The following SCHIP1 variants were observed in gnomAD, a reference collection of about 807,000 sequenced individuals.
SCHIP1 encodes the protein schwannomin-interacting protein 1.
Under a neutral mutation model 29.7 loss-of-function variants are expected in SCHIP1, and 8 were observed. The observed-to-expected ratio is 0.27, with a 90% CI of 0.16 to 0.49. The LOEUF is 0.49. Among genes scored for constraint, SCHIP1 ranks in the 20% least tolerant of loss-of-function variants. SCHIP1 has a pLI of 0.99. For synonymous variants in SCHIP1, 76 were observed against 94.9 expected, an observed-to-expected ratio of 0.80 and a Z score of 1.16; for missense variants, 193 against 294.6, an observed-to-expected ratio of 0.66 and a Z score of 2.52.
At chr3:159,473,688 A>G in the SCHIP1 span, among the ~76,000 whole-genome samples, 1 of 150,512 alleles carries the variant, frequency 6.6e-6, no homozygotes, top group East Asian at 1.9e-4. Flanking sequence ...AAAAAAAAAA[A>G]AAAAAAGAAA....
At chr3:159,377,995 G>T in the SCHIP1 span, among the ~76,000 whole-genome samples, 1 of 152,176 alleles carries the variant, frequency 6.6e-6, no homozygotes, top group Non-Finnish European at 1.5e-5. Flanking sequence ...CAGAAAATAG[G>T]ATAGGCTTTT....
At chr3:159,337,411 T>G in the SCHIP1 span, among the ~76,000 whole-genome samples, 1 of 152,120 alleles carries the variant, frequency 6.6e-6, no homozygotes, top group Non-Finnish European at 1.5e-5. Flanking sequence ...CAAATTGTCC[T>G]TGTTTGCAGA....
chr3:159,750,747 T>TGGGGCAGTGGGTGGAG, the SCHIP1 span, among the ~76,000 whole-genome samples: 1 of 152,168 alleles, frequency 6.6e-6, no homozygotes, highest in Non-Finnish European at 1.5e-5. Flanking sequence ...CATTTGGTGA[T>TGGGGCAGTGGGTGGAG]GGGGCAGTGG....
At chr3:159,620,376 T>TA in the SCHIP1 span, among the ~76,000 whole-genome samples, 3 of 152,330 alleles carry the variant, frequency 2.0e-5, no homozygotes, top group African/African-American at 7.2e-5. Context: ...AACTCCATGA[T>TA]AGGCCATGCA....
the SCHIP1 span, among the ~76,000 whole-genome samples, chr3:159,674,277 C>T: frequency 9.9e-5 from 15 of 152,030 alleles, no homozygotes; most frequent in African/African-American, 3.6e-4. Flanking sequence ...TCATTGATCC[C>T]CAACAAACTG....
the SCHIP1 span, among the ~76,000 whole-genome samples, chr3:159,424,993 A>C: frequency 6.6e-6 from 1 of 152,050 alleles, no homozygotes. Context: ...GCAAATGCTG[A>C]GAGATTTTGT....
chr3:159,532,687 T>C, the SCHIP1 span, among the ~76,000 whole-genome samples: 2 of 152,192 alleles, frequency 1.3e-5, no homozygotes, highest in Admixed American at 6.5e-5. Context: ...GTTGTTCCAA[T>C]GTCATGACCA....
At chr3:159,448,119 A>G in the SCHIP1 span, among the ~76,000 whole-genome samples, 1 of 152,182 alleles carries the variant, frequency 6.6e-6, no homozygotes, top group African/African-American at 2.4e-5. Context: ...CTCTTCCTTG[A>G]CCACCTGATG....
the SCHIP1 span, among the ~76,000 whole-genome samples, chr3:159,486,301 C>T: frequency 3.4e-3 from 525 of 152,248 alleles, 7 homozygotes; most frequent in African/African-American, 0.012. Context: ...CCCATTTCCC[C>T]CTACCCTCTT....
the SCHIP1 span, among the ~76,000 whole-genome samples, chr3:159,638,615 GAAA>G: frequency 1.2e-4 from 14 of 119,768 alleles, no homozygotes; most frequent in African/African-American, 2.7e-4. Context: ...TATTATAGAG[GAAA>G]AAAAAAAAAA....
At chr3:159,713,781 G>A in the SCHIP1 span, among the ~76,000 whole-genome samples, 179 of 152,334 alleles carry the variant, frequency 1.2e-3, no homozygotes, top group African/African-American at 4.0e-3. Flanking sequence ...GGAATAGGTG[G>A]CCTCTCCAAA....
chr3:159,499,679 T>C, the SCHIP1 span, among the ~76,000 whole-genome samples: 1 of 152,252 alleles, frequency 6.6e-6, no homozygotes, highest in African/African-American at 2.4e-5. Context: ...GCTACTGAGA[T>C]AGTATTCAAA....
At chr3:159,838,706 C>A (rs550695994), upstream of SCHIP1, among the ~76,000 whole-genome samples, 5 of 151,286 alleles carry the variant, frequency 3.3e-5, no homozygotes, top group East Asian at 9.8e-4. Flanking sequence ...CTGGCTAACA[C>A]GGTGAAACCC....
the SCHIP1 span, among the ~76,000 whole-genome samples, chr3:159,451,975 T>C: frequency 6.6e-6 from 1 of 152,100 alleles, no homozygotes; most frequent in Non-Finnish European, 1.5e-5. Flanking sequence ...GGAGTCCAGC[T>C]TTTCTAATCT....
At chr3:159,423,598 C>T in the SCHIP1 span, among the ~76,000 whole-genome samples, 1 of 152,214 alleles carries the variant, frequency 6.6e-6, no homozygotes, top group Non-Finnish European at 1.5e-5. Flanking sequence ...AGGAGGCCTG[C>T]CTGCCTCTGT....
the SCHIP1 span, among the ~76,000 whole-genome samples, chr3:159,461,685 C>T: frequency 2.0e-5 from 3 of 151,370 alleles, no homozygotes; most frequent in Admixed American, 1.3e-4. Context: ...AAGCAGTTCT[C>T]GGTATACCAA....
At chr3:159,491,113 C>G in the SCHIP1 span, among the ~76,000 whole-genome samples, 2 of 151,962 alleles carry the variant, frequency 1.3e-5, no homozygotes, top group Non-Finnish European at 2.9e-5. Context: ...ACATTCAAGA[C>G]TGAGACAGTG....
At chr3:159,607,162 G>A in the SCHIP1 span, among the ~76,000 whole-genome samples, 1 of 152,086 alleles carries the variant, frequency 6.6e-6, no homozygotes, top group Non-Finnish European at 1.5e-5. Flanking sequence ...AGAGTTCAGT[G>A]CTGATATATG....
the SCHIP1 span, among the ~76,000 whole-genome samples, chr3:159,357,965 G>A: frequency 1.3e-5 from 2 of 152,204 alleles, no homozygotes; most frequent in Non-Finnish European, 2.9e-5. Flanking sequence ...GCCCCCAAGG[G>A]GCACACAGAG....
Sources: gnomAD v4.1 joint callset for allele counts (sites outside exome capture counted in the v4.1 genomes callset) on GRCh38, gnomAD v4.1.1 for gene constraint, MANE v1.5 for transcripts, NCBI Gene and HGNC (gene_info 2026-07-23, HGNC 2026-07-21) for gene names.